Variants in EMID1 observed in about 807,000 individuals in gnomAD.
EMID1 encodes EMI domain containing 1.
A neutral mutation model predicts 60.6 loss-of-function variants in EMID1; 40 were observed. The observed-to-expected ratio is 0.66, with a 90% CI of 0.51 to 0.86. EMID1 has a LOEUF of 0.86. Ranked by LOEUF, EMID1 falls within the 40% of genes least tolerant of loss-of-function variation. EMID1 has a pLI of 0.00. For missense variants in EMID1, 585 were observed against 597.1 expected (o/e 0.98, Z 0.21); for synonymous variants, 242 against 231.0 (o/e 1.05, Z -0.43).
In EMID1 at chr22:29,233,651, G is replaced by C. The variant is rs1568990387; in HGVS notation, c.951G>C (p.Gly317=). ...PGPPGPTGVP[G]SPGHIGPPGP... is the part of the protein sequence containing the mutation. Reference sequence around the variant, plus strand: ...CTCCTGGCCCCACAGGTGTCCCTGGGAGTCCTGGTCACATAGTGAGTAGTT... The same window carrying C: ...CTCCTGGCCCCACAGGTGTCCCTGGCAGTCCTGGTCACATAGTGAGTAGTT... Residue 317 remains glycine, a synonymous_variant, in exon 10 of 15, where the codon GGG becomes GGC. Coordinates refer to ENST00000334018, the MANE Select transcript of EMID1 (RefSeq NM_133455.4). The C allele has an allele frequency of 6.2e-7, 1 of 1,613,968 alleles. No homozygotes were observed. Among genetic ancestry groups the C allele is most frequent in the Admixed American group, 1.7e-5 (1 of 60,016 alleles).
chr22:29,257,551 G>C lies in EMID1; in HGVS notation c.1205-1266G>C, dbSNP rs567546526. 6.6e-5 allele frequency among the ~76,000 whole-genome samples: 10 copies of C among 152,238 alleles called. No individual in the cohort carries two copies. The East Asian group carries it at 1.5e-3, about 24-fold the overall frequency. On this transcript the variant is annotated intron_variant, in intron 14 of 14. Transcript: ENST00000334018. ...CTCTAAAGTCCTGGCCCTTTGGACT[G>C]CATCAGCAAAGGTTTGCTGACTCTG...
Position 29,209,633 on chromosome 22 carries a change from A to G in EMID1, c.101+3494A>G, listed in dbSNP as rs542796840. Among the ~76,000 whole-genome samples, 14 of 152,258 alleles carry G rather than the reference A, an allele frequency of 9.2e-5. No homozygotes were observed. In the Middle Eastern group the frequency reaches 0.014, roughly 148 times the overall value. ...TTGGTCCCAGCTCATGCCCTCCTCC[A>G]GCACCTGCGTGAGTGAGTAAAGCCC... On this transcript the variant is annotated intron_variant, in intron 1 of 14. Coordinates refer to ENST00000334018, the MANE Select transcript of EMID1 (RefSeq NM_133455.4).
intron 1 of EMID1, 74 bp from the exon 2 acceptor site, chr22:29,214,852 C>A: frequency 1.8e-6 from 2 of 1,099,132 alleles, no homozygotes; most frequent in Non-Finnish European, 1.3e-6. Context: ...CGGACGTCCT[C>A]ACCCATCCTC....
chr22:29,226,285 G>C (rs534526205), intron 4 of EMID1: 1 of 474,752 alleles, frequency 2.1e-6, no homozygotes, highest in African/African-American at 2.0e-5. Context: ...CCACTCTGGA[G>C]GCTCCAGTGC....
At position 29,232,560 on chromosome 22, in the gene EMID1, G is replaced by T. The variant is rs531311071; in HGVS notation, c.823+158G>T. The stretch of plus-strand genomic sequence containing the variant: ...CAGCAGGCGCCGTTGTCCTCCTGTG[G>T]TTACAGGTGAGGAACACTGAGGACC... On this transcript the variant is annotated intron_variant, in intron 8 of 14. Coordinates refer to ENST00000334018, the MANE Select transcript of EMID1 (RefSeq NM_133455.4). 7.8e-5 allele frequency: 66 copies of T among 840,894 alleles called. 1 individual carries two copies. The African/African-American group carries it at 9.0e-4, about 11-fold the overall frequency. 52.1% of individuals were successfully genotyped at this position (840,894 alleles called of 1,614,324 possible).
chr22:29,236,896 A>C (rs1272685951), intron 12 of EMID1, among the ~76,000 whole-genome samples: 3 of 150,568 alleles, frequency 2.0e-5, no homozygotes, highest in African/African-American at 7.3e-5. Context: ...TCCCGGGATC[A>C]AGCAATTCTC....
At chr22:29,221,066 CGTGTGTGTGTGTGTGTGTGTGTGTGTGT>C (rs59651061) in intron 3 of EMID1, among the ~76,000 whole-genome samples, 22 of 100,062 alleles carry the variant, frequency 2.2e-4, no homozygotes, top group East Asian at 2.1e-3. Flanking sequence ...GGGGTGGGAA[CGTGTGTGTGTGTGTGTGTGTGTGTGTGT>C]GTGTGTGTGT....
intron 13 of EMID1, among the ~76,000 whole-genome samples, chr22:29,250,126 C>T (rs1235878383): frequency 1.3e-5 from 2 of 152,112 alleles, no homozygotes; most frequent in Non-Finnish European, 2.9e-5. Flanking sequence ...TGTGGTGGTG[C>T]ACACCTGTAG....
intron 12 of EMID1, among the ~76,000 whole-genome samples, chr22:29,239,931 C>T (rs1368278758): frequency 8.6e-6 from 1 of 116,780 alleles, no homozygotes; most frequent in African/African-American, 3.6e-5. Context: ...AGCTAATCAA[C>T]CTCCCAAGCA....
intron 5 of EMID1, among the ~76,000 whole-genome samples, chr22:29,229,407 G>C (rs545559580): frequency 1.3e-5 from 2 of 152,274 alleles, no homozygotes; most frequent in Admixed American, 1.3e-4. Flanking sequence ...ACTTTGGGAA[G>C]CTGAGGCGGG....
chr22:29,227,105 G>C (rs999162414), intron 5 of EMID1, among the ~76,000 whole-genome samples: 1 of 150,402 alleles, frequency 6.6e-6, no homozygotes, highest in African/African-American at 2.4e-5. Context: ...GTTTTGTTTT[G>C]TTTGAAACAG....
chr22:29,253,452 CAT>C lies in EMID1; in HGVS notation c.1120-750_1120-749del. ...ACAAAGTTAGCTGGGTGTGGTGGTG[CAT>C]GCCTGTAATCCCAGCTACTTGGGAG... On this transcript the variant is annotated intron_variant, in intron 13 of 14. Coordinates refer to ENST00000334018, the MANE Select transcript of EMID1 (RefSeq NM_133455.4). Among the ~76,000 whole-genome samples the C allele has an allele frequency of 2.6e-5, 4 of 152,034 alleles. No homozygotes were observed. In the South Asian group the frequency reaches 8.3e-4, roughly 32 times the overall value.
chr22:29,226,416 C>A (rs2040511311), intron 4 of EMID1, 74 bp from the exon 5 acceptor site: 2 of 1,522,602 alleles, frequency 1.3e-6, no homozygotes, highest in Admixed American at 4.3e-5. Flanking sequence ...CCATCCCAAC[C>A]CCCAGAGACT....
At chr22:29,233,970 T>C (rs2040847192) in intron 10 of EMID1, 167 bp from the exon 11 acceptor site, 1 of 751,862 alleles carries the variant, frequency 1.3e-6, no homozygotes, top group Admixed American at 2.9e-5. Context: ...CAGGATCAGA[T>C]CTTTTAACAC....
At chr22:29,218,484 C>T (rs1033147773) in intron 3 of EMID1, among the ~76,000 whole-genome samples, 7 of 152,146 alleles carry the variant, frequency 4.6e-5, no homozygotes, top group Non-Finnish European at 7.4e-5. Flanking sequence ...TGAGGTCACT[C>T]GGCAGGTGAG....
intron 10 of EMID1, 121 bp from the exon 11 acceptor site, chr22:29,234,016 A>G (rs1181721528): frequency 9.2e-7 from 1 of 1,083,966 alleles, no homozygotes; most frequent in Non-Finnish European, 1.3e-6. Flanking sequence ...TGCTGGGTGT[A>G]TGGTGAAGAA....
At chr22:29,242,148 G>A (rs1158838375) in intron 12 of EMID1, among the ~76,000 whole-genome samples, 1 of 151,972 alleles carries the variant, frequency 6.6e-6, no homozygotes, top group African/African-American at 2.4e-5. Context: ...CCAAACTCCT[G>A]GCCTCAAGCT....
chr22:29,231,415 G>A (rs1446960150), intron 6 of EMID1, 178 bp from the exon 7 acceptor site: 10 of 824,604 alleles, frequency 1.2e-5, no homozygotes, highest in Non-Finnish European at 1.8e-5. Context: ...CCTCCTCCAG[G>A]CCCAGCAGGG....
At chr22:29,234,841 A>G (rs1021366067) in intron 12 of EMID1, among the ~76,000 whole-genome samples, 8 of 150,826 alleles carry the variant, frequency 5.3e-5, no homozygotes, top group African/African-American at 1.5e-4. Flanking sequence ...TGCTATTTGC[A>G]TGTTATATCT....
Sources: allele counts gnomAD v4.1 joint callset (sites outside exome capture counted in the v4.1 genomes callset), GRCh38; gene constraint gnomAD v4.1.1; transcripts MANE v1.5; gene names NCBI Gene and HGNC (gene_info 2026-07-23, HGNC 2026-07-21).